Variants in GART observed in about 807,000 individuals in gnomAD.
The protein encoded by GART is trifunctional purine biosynthetic protein adenosine-3.
A neutral mutation model predicts 107.2 loss-of-function variants in GART; 43 were observed. The observed-to-expected ratio is 0.40, with a 90% CI of 0.31 to 0.52. The LOEUF is 0.52. GART is among the 20% of genes least tolerant of loss of function. The probability of loss-of-function intolerance (pLI) is 0.52; values close to 1 mark genes in which losing one functional copy is unlikely to be tolerated. For missense variants in GART, 1,107 were observed against 1,206.5 expected (o/e 0.92, Z 1.22); for synonymous variants, 434 against 427.0 (o/e 1.02, Z -0.20).
intron 10 of GART, 57 bp from the exon 11 acceptor site, chr21:33,525,057 G>A (rs1359927845): frequency 7.1e-6 from 11 of 1,541,922 alleles, no homozygotes; most frequent in Admixed American, 2.3e-5. Flanking sequence ...TTCACACCGT[G>A]AAGTGATTTA....
chr21:33,516,835 T>TAGAAA (rs1569016957), intron 16 of GART, among the ~76,000 whole-genome samples, 154 bp downstream of exon 16: 3 of 152,288 alleles, frequency 2.0e-5, no homozygotes, highest in African/African-American at 7.2e-5. Flanking sequence ...CAAAAAGAGA[T>TAGAAA]AGAAAAGGGT....
At chr21:33,541,023 T>G (rs953651955) in intron 1 of GART, among the ~76,000 whole-genome samples, 22 of 151,134 alleles carry the variant, frequency 1.5e-4, no homozygotes, top group African/African-American at 2.4e-5. Flanking sequence ...TCATTGAAAA[T>G]TTGAGAAAGG....
rs1341855164 is a variant in GART, at chr21:33,513,367, C to T, written c.2108-1909G>A. On this transcript the variant is annotated intron_variant, in intron 16 of 21. Transcript: ENST00000381815. ...CCCGCAGATCACGAAGTCAGGAGTTCGACACCAGCCTGGCCAACATGATGA... is the reference window on the plus strand; with the variant it reads ...CCCGCAGATCACGAAGTCAGGAGTTTGACACCAGCCTGGCCAACATGATGA... 3.3e-5 allele frequency among the ~76,000 whole-genome samples: 5 copies of T among 152,058 alleles called. No individual in the cohort carries two copies. In the East Asian group the frequency reaches 7.8e-4, roughly 24 times the overall value.
chr21:33,514,002 A>G (rs1457887599), intron 16 of GART, among the ~76,000 whole-genome samples: 1 of 152,178 alleles, frequency 6.6e-6, no homozygotes, highest in Non-Finnish European at 1.5e-5. Flanking sequence ...GTGGTAGCTC[A>G]TGCCAGTAAT....
At chr21:33,538,233 CTCTG>C (rs2085340524) in intron 2 of GART, among the ~76,000 whole-genome samples, 1 of 111,646 alleles carries the variant, frequency 9.0e-6, no homozygotes, top group Admixed American at 1.2e-4. Context: ...GAGAGTGAGA[CTCTG>C]TCTCAAAAAA....
chr21:33,511,727 C>A (rs1470808950), intron 16 of GART, among the ~76,000 whole-genome samples: 1 of 152,130 alleles, frequency 6.6e-6, no homozygotes, highest in Non-Finnish European at 1.5e-5. Flanking sequence ...TAGACATTCC[C>A]TAATGGATCA....
At chr21:33,511,132 T>C (rs746143288) in intron 17 of GART, 120 bp downstream of exon 17, 49 of 936,712 alleles carry the variant, frequency 5.2e-5, no homozygotes, top group Non-Finnish European at 6.9e-5. Flanking sequence ...TGTGTAAAGA[T>C]AGTTGCCATA....
Position 33,531,492 on chromosome 21 carries a change from C to T in GART, c.594G>A (p.Val198=). The stretch of plus-strand genomic sequence containing the variant: ...CCAAAAAGATGAATATACATACCGA[C>T]ACCTCTTCTCCGTCAAGAAGTTCTT... ...VIEELLDGEE[V]SCLCFTDGKT... is the part of the protein sequence containing the mutation. Residue 198 remains valine, a synonymous_variant, in exon 6 of 22, where the codon GTG becomes GTA. Transcript: ENST00000381815. 2 of 1,612,836 alleles carry T rather than the reference C, an allele frequency of 1.2e-6. No homozygotes were observed. The highest frequency in any genetic ancestry group is 1.7e-5 in the Admixed American group (1 of 59,972).
At chr21:33,540,259 C>T (rs2145774572) in intron 1 of GART, among the ~76,000 whole-genome samples, 1 of 152,278 alleles carries the variant, frequency 6.6e-6, no homozygotes, top group South Asian at 2.1e-4. Context: ...TGTTGCCTAT[C>T]AGTACTTTAA....
chr21:33,541,802 A>G (rs1183847149), intron 1 of GART, among the ~76,000 whole-genome samples: 2 of 152,230 alleles, frequency 1.3e-5, no homozygotes, highest in African/African-American at 4.8e-5. Flanking sequence ...GAGAAAGTAC[A>G]CCAATTTAGG....
chr21:33,526,189 GAC>G (rs916313838), intron 10 of GART, among the ~76,000 whole-genome samples: 2 of 151,064 alleles, frequency 1.3e-5, no homozygotes, highest in Non-Finnish European at 2.9e-5. Context: ...TTCTTTTTGG[GAC>G]AGAGTCTTGC....
At position 33,525,011 on chromosome 21, in the gene GART, G is replaced by A; in HGVS notation, c.1067-11C>T. On this transcript the variant is annotated splice_polypyrimidine_tract_variant and intron_variant, in intron 10 of 21. Coordinates refer to ENST00000381815, the MANE Select transcript of GART (RefSeq NM_000819.5). ...GAGCCTCAGGAAACCCTAGAAGAGA[G>A]CATATTTGACATATGATTTCAAATA... is the stretch of plus-strand genomic sequence containing the variant. 1.2e-6 allele frequency: 2 copies of A among 1,607,882 alleles called. No individual in the cohort carries two copies. Among genetic ancestry groups the A allele is most frequent in the Admixed American group, 1.7e-5 (1 of 58,946 alleles).
chr21:33,536,253 T>C (rs2085302616), intron 2 of GART, among the ~76,000 whole-genome samples: 1 of 152,194 alleles, frequency 6.6e-6, no homozygotes, highest in South Asian at 2.1e-4. Flanking sequence ...ATGACGCTTT[T>C]AAGAGGAACC....
chr21:33,536,925 G>A (rs183971003), intron 2 of GART, among the ~76,000 whole-genome samples: 1 of 152,288 alleles, frequency 6.6e-6, no homozygotes, highest in Admixed American at 6.5e-5. Context: ...GTGGGTAACT[G>A]AAACTGTGGA....
chr21:33,513,522 A>G (rs2084827108), intron 16 of GART, among the ~76,000 whole-genome samples: 1 of 152,112 alleles, frequency 6.6e-6, no homozygotes, highest in African/African-American at 2.4e-5. Flanking sequence ...GTGAGCTGAG[A>G]TCGCACTACT....
At chr21:33,511,108 T>C (rs1002115917) in intron 17 of GART, 144 bp downstream of exon 17, 14 of 788,444 alleles carry the variant, frequency 1.8e-5, no homozygotes, top group Non-Finnish European at 3.0e-5. Flanking sequence ...GGGTGGGTGC[T>C]GTCATGTTAC....
intron 2 of GART, among the ~76,000 whole-genome samples, chr21:33,538,449 T>C (rs1029754059): frequency 6.6e-6 from 1 of 152,006 alleles, no homozygotes; most frequent in Non-Finnish European, 1.5e-5. Context: ...CCCTGGCTAG[T>C]CTCAAACTGC....
chr21:33,521,350 G>T (rs866917702), intron 12 of GART, among the ~76,000 whole-genome samples: 1 of 152,102 alleles, frequency 6.6e-6, no homozygotes, highest in African/African-American at 2.4e-5. Flanking sequence ...AAGTAATTAA[G>T]GCTGGGCGTG....
chr21:33,530,572 CA>C (rs1569030069), intron 7 of GART, 186 bp downstream of exon 7: 2 of 490,960 alleles, frequency 4.1e-6, no homozygotes, highest in South Asian at 8.9e-5. Flanking sequence ...TTTAGTTCTT[CA>C]AAAAAGGCTT....
Sources: allele counts gnomAD v4.1 joint callset (sites outside exome capture counted in the v4.1 genomes callset), GRCh38; gene constraint gnomAD v4.1.1; transcripts MANE v1.5; gene names NCBI Gene and HGNC (gene_info 2026-07-23, HGNC 2026-07-21).